SERPINB2: variants seen among roughly 807,000 people sequenced by gnomAD.
SERPINB2 encodes the protein serpin family B member 2.
A neutral mutation model predicts 39.4 loss-of-function variants in SERPINB2; 28 were observed. That is an observed-to-expected ratio of 0.71 (90% CI 0.53 to 0.97). SERPINB2 has a LOEUF of 0.97. Ranked by LOEUF, SERPINB2 falls within the 50% of genes least tolerant of loss-of-function variation. The pLI, the probability that SERPINB2 is intolerant of heterozygous loss-of-function variation, is 0.00. For missense variants in SERPINB2, 557 were observed against 505.3 expected, an observed-to-expected ratio of 1.10 and a Z score of -0.98; for synonymous variants, 209 against 175.1, an observed-to-expected ratio of 1.19 and a Z score of -1.53.
rs919990365 is a variant in SERPINB2, at chr18:63,895,373, C to T, written c.278C>T (p.Ala93Val). 18 of 1,613,726 alleles carry T rather than the reference C, an allele frequency of 1.1e-5. No homozygotes were observed. The highest frequency in any genetic ancestry group is 1.7e-5 in the Admixed American group (1 of 59,954). The change falls in exon 3 of 8, where the codon GCG (alanine) becomes GTG (valine). Residue 93 changes from alanine (A) to valine (V), a missense_variant. Coordinates refer to ENST00000299502, the MANE Select transcript of SERPINB2 (RefSeq NM_002575.3). ...ATCCAGAAGGGTAGTTATCCTGATGCGATTTTGCAGGTATCTGACTTACTG... is the reference window on the plus strand; with the variant it reads ...ATCCAGAAGGGTAGTTATCCTGATGTGATTTTGCAGGTATCTGACTTACTG... ...QQIQKGSYPD[A>V]ILQAQAADKI...
intron 3 of SERPINB2, among the ~76,000 whole-genome samples, chr18:63,896,217 C>T (rs926166192): frequency 6.6e-6 from 1 of 152,140 alleles, no homozygotes; most frequent in Non-Finnish European, 1.5e-5. Context: ...GTGGAGATTC[C>T]GCCAGGTGTT....
chr18:63,888,240 A>T (rs1209648221), intron 1 of SERPINB2, among the ~76,000 whole-genome samples: 1 of 152,256 alleles, frequency 6.6e-6, no homozygotes, highest in Admixed American at 6.5e-5. Context: ...GCAAAAATTA[A>T]GTAGCAATTT....
chr18:63,892,735 G>T (rs2049934847), intron 2 of SERPINB2: 1 of 152,130 alleles, frequency 6.6e-6, no homozygotes, highest in Non-Finnish European at 1.5e-5. Context: ...GGAAGACAAG[G>T]GATGGGTGAA....
intron 5 of SERPINB2, among the ~76,000 whole-genome samples, chr18:63,899,063 G>A (rs890517923): frequency 6.6e-6 from 1 of 152,116 alleles, no homozygotes; most frequent in Non-Finnish European, 1.5e-5. Context: ...ACTGGCCCTT[G>A]GAGCTCCTTA....
At chr18:63,901,635 A>T (rs1916660) in intron 5 of SERPINB2, 105 bp from the exon 6 acceptor site, 202,641 of 754,460 alleles carry the variant, frequency 0.27, 33,445 homozygotes, top group African/African-American at 0.64. Context: ...AAGATTAACA[A>T]CTCTGCAATT....
At chr18:63,897,035 C>T (rs1280377811) in intron 3 of SERPINB2, 56 bp from the exon 4 acceptor site, 9 of 1,525,274 alleles carry the variant, frequency 5.9e-6, no homozygotes, top group Non-Finnish European at 8.0e-6. Context: ...GGCTTAAGAA[C>T]TATCTTGTTT....
intron 1 of SERPINB2, among the ~76,000 whole-genome samples, chr18:63,891,101 G>A (rs139975080): frequency 1.9e-4 from 29 of 152,216 alleles, no homozygotes; most frequent in African/African-American, 2.9e-4. Flanking sequence ...ACAAAGTGTC[G>A]CTGCTCATCA....
chr18:63,895,292 A>G lies in SERPINB2; in HGVS notation c.197A>G (p.Asn66Ser), dbSNP rs1333791914. The G allele has an allele frequency of 3.7e-6, 6 of 1,614,076 alleles. No individual in the cohort carries two copies. The highest frequency in any genetic ancestry group is 2.2e-5 in the South Asian group (2 of 91,056). ...CTTCAGTTTAATGAAGTGGGAGCCA[A>G]TGCAGTTACCCCCATGACTCCAGAG... The part of the protein sequence containing the change: ...KVLQFNEVGA[N>S]AVTPMTPENF... Residue 66 changes from asparagine to serine, a missense_variant, in exon 3 of 8, where the codon AAT becomes AGT. Transcript: ENST00000299502.
chr18:63,903,278 A>G lies in SERPINB2; in HGVS notation c.1221A>G (p.Leu407=). 3 of 1,533,736 alleles carry G rather than the reference A, an allele frequency of 2.0e-6. No individual in the cohort carries two copies. Among genetic ancestry groups the G allele is most frequent in the Non-Finnish European group, 2.6e-6 (3 of 1,141,866 alleles). The change falls in exon 8 of 8, where the codon TTA becomes TTG. Residue 407 remains leucine (L), a synonymous_variant. Coordinates refer to ENST00000299502, the MANE Select transcript of SERPINB2 (RefSeq NM_002575.3). ...LIMHKITNCI[L]FFGRFSSP is the part of the protein sequence containing the mutation. Reference sequence around the variant, plus strand: ...TGCATAAGATAACCAACTGCATTTTATTTTTCGGCAGATTTTCCTCACCCT... The same window carrying G: ...TGCATAAGATAACCAACTGCATTTTGTTTTTCGGCAGATTTTCCTCACCCT...
rs1382844614 is a variant in SERPINB2, at chr18:63,897,763, GA to G, written c.456del (p.Glu152AspfsTer5). On this transcript the variant is annotated frameshift_variant, in exon 5 of 8. Transcript: ENST00000299502. LOFTEE classifies it high-confidence loss of function. ...ACTCTGTCAGAAATATTACTCCTCA[GA>G]ACCCCAGGCAGTAGACTTCCTAGAA... Reference protein sequence around the residue: ...IRLCQKYYSSEPQAVDFLECA... With the variant: ...IRLCQKYYSSXPQAVDFLECA... 6.2e-7 allele frequency: 1 copy of G among 1,613,074 alleles called. No individual in the cohort carries two copies. Among genetic ancestry groups the G allele is most frequent in the Non-Finnish European group, 8.5e-7 (1 of 1,179,302 alleles).
intron 1 of SERPINB2, among the ~76,000 whole-genome samples, chr18:63,890,310 C>T (rs571299598): frequency 7.9e-5 from 12 of 152,304 alleles, no homozygotes; most frequent in African/African-American, 1.7e-4. Flanking sequence ...GTGTACACAG[C>T]CAAGACCAGA....
rs377037100 is a variant in SERPINB2, at chr18:63,895,339, A to G, written c.244A>G (p.Met82Val). The G allele has an allele frequency of 1.2e-6, 2 of 1,614,068 alleles. No homozygotes were observed. The highest frequency in any genetic ancestry group is 1.7e-6 in the Non-Finnish European group (2 of 1,180,024). The part of the protein sequence containing the change: ...TPENFTSCGF[M>V]QQIQKGSYPD... Reference sequence around the variant, plus strand: ...AGAGAACTTTACCAGCTGTGGGTTCATGCAGCAGATCCAGAAGGGTAGTTA... The same window carrying G: ...AGAGAACTTTACCAGCTGTGGGTTCGTGCAGCAGATCCAGAAGGGTAGTTA... Residue 82 changes from methionine (M) to valine (V), a missense_variant, in exon 3 of 8, where the codon ATG becomes GTG. Coordinates refer to ENST00000299502, the MANE Select transcript of SERPINB2 (RefSeq NM_002575.3).
At position 63,903,037 on chromosome 18, in the gene SERPINB2, T is replaced by C. The variant is rs1263509653; in HGVS notation, c.980T>C (p.Met327Thr). 1.2e-6 allele frequency: 2 copies of C among 1,613,836 alleles called. No individual in the cohort carries two copies. The highest frequency in any genetic ancestry group is 1.1e-5 in the South Asian group (1 of 91,084). ...GAACTCAGATCCATTCTGAGAAGCATGGGCATGGAGGACGCCTTCAACAAG... is the reference window on the plus strand; with the variant it reads ...GAACTCAGATCCATTCTGAGAAGCACGGGCATGGAGGACGCCTTCAACAAG... ...HYELRSILRS[M>T]GMEDAFNKGR... Residue 327 changes from methionine (M) to threonine (T), a missense_variant, in exon 8 of 8, where the codon ATG becomes ACG. Transcript: ENST00000299502.
intron 5 of SERPINB2, among the ~76,000 whole-genome samples, chr18:63,898,794 TG>T (rs1048958181): frequency 2.0e-5 from 3 of 152,164 alleles, no homozygotes; most frequent in Admixed American, 2.0e-4. Flanking sequence ...GGTGCATGCC[TG>T]GGGGGAGATT....
At chr18:63,889,616 A>G (rs2049913040) in intron 1 of SERPINB2, among the ~76,000 whole-genome samples, 2 of 152,144 alleles carry the variant, frequency 1.3e-5, no homozygotes, top group South Asian at 4.1e-4. Context: ...TGTTTCCAAA[A>G]GATATTGAGA....
At chr18:63,896,514 G>A (rs1400355579) in intron 3 of SERPINB2, among the ~76,000 whole-genome samples, 1 of 152,158 alleles carries the variant, frequency 6.6e-6, no homozygotes, top group Non-Finnish European at 1.5e-5. Context: ...AATTGTACAT[G>A]TTCAAGATGT....
chr18:63,894,971 T>C (rs1321947775), intron 2 of SERPINB2, among the ~76,000 whole-genome samples: 1 of 152,216 alleles, frequency 6.6e-6, no homozygotes, highest in Non-Finnish European at 1.5e-5. Flanking sequence ...GGATATAATT[T>C]AGATAATTTG....
chr18:63,891,591 C>T lies in SERPINB2; in HGVS notation c.147C>T (p.Ser49=), dbSNP rs140589146. 52 of 1,613,770 alleles carry T rather than the reference C, an allele frequency of 3.2e-5. No individual in the cohort carries two copies. In the African/African-American group the frequency reaches 6.4e-4, roughly 20 times the overall value. The change falls in exon 2 of 8, where the codon AGC becomes AGT. Residue 49 remains serine, a synonymous_variant. Transcript: ENST00000299502. The part of the protein sequence containing the change: ...MAMVYMGSRG[S]TEDQMAKVLQ... ...TGGTCTACATGGGCTCCAGGGGCAG[C>T]ACCGAAGACCAGATGGCCAAGGTGA... is the stretch of plus-strand genomic sequence containing the variant.
chr18:63,900,604 G>T (rs1425639660), intron 5 of SERPINB2, among the ~76,000 whole-genome samples: 1 of 152,154 alleles, frequency 6.6e-6, no homozygotes, highest in East Asian at 1.9e-4. Context: ...AGTTTACGCA[G>T]AAATTTCTAG....
Sources: allele counts gnomAD v4.1 joint callset (sites outside exome capture counted in the v4.1 genomes callset), GRCh38; gene constraint gnomAD v4.1.1; transcripts MANE v1.5; gene names NCBI Gene and HGNC (gene_info 2026-07-23, HGNC 2026-07-21).